Variants in KHDRBS2 observed in about 807,000 individuals in gnomAD.
KHDRBS2 encodes KH RNA binding domain containing, signal transduction associated 2.
A neutral mutation model predicts 44.3 loss-of-function variants in KHDRBS2; 26 were observed. The observed-to-expected ratio is 0.59, with a 90% CI of 0.43 to 0.81. The LOEUF is 0.81. Among genes scored for constraint, KHDRBS2 ranks in the 40% least tolerant of loss-of-function variants. KHDRBS2 has a pLI of 0.00. For missense variants in KHDRBS2, 476 were observed against 433.1 expected (o/e 1.10, Z -0.88); for synonymous variants, 194 against 151.1 (o/e 1.28, Z -2.08).
At chr6:62,115,180 G>T (rs1422191482) in intron 2 of KHDRBS2, among the ~76,000 whole-genome samples, 1 of 152,074 alleles carries the variant, frequency 6.6e-6, no homozygotes, top group Non-Finnish European at 1.5e-5. Flanking sequence ...TCTTTCAAAA[G>T]TCAGTTTTAC....
At chr6:62,245,758 G>T (rs1022738428) in intron 1 of KHDRBS2, among the ~76,000 whole-genome samples, 1 of 152,020 alleles carries the variant, frequency 6.6e-6, no homozygotes, top group Non-Finnish European at 1.5e-5. Context: ...TTTAGAAACA[G>T]ATTTAATCTG....
At chr6:61,692,603 A>G (rs527975122) in intron 8 of KHDRBS2, among the ~76,000 whole-genome samples, 2 of 152,226 alleles carry the variant, frequency 1.3e-5, no homozygotes, top group East Asian at 1.9e-4. Context: ...CCAAGGAGAC[A>G]AATACAATTT....
At chr6:62,159,670 T>A (rs1817214085) in intron 2 of KHDRBS2, among the ~76,000 whole-genome samples, 1 of 152,196 alleles carries the variant, frequency 6.6e-6, no homozygotes, top group South Asian at 2.1e-4. Flanking sequence ...TAGCCTACTG[T>A]TGACCGCAAG....
At chr6:61,878,946 T>C (rs538171630) in intron 6 of KHDRBS2, among the ~76,000 whole-genome samples, 3 of 152,158 alleles carry the variant, frequency 2.0e-5, no homozygotes, top group African/African-American at 7.2e-5. Flanking sequence ...TCCTCAATTA[T>C]ATTAGTTGCT....
intron 1 of KHDRBS2, among the ~76,000 whole-genome samples, chr6:62,253,690 T>C (rs1836916623): frequency 6.6e-6 from 1 of 151,998 alleles, no homozygotes; most frequent in Non-Finnish European, 1.5e-5. Flanking sequence ...TTTGTAATGA[T>C]TTTTACTGTA....
chr6:61,770,980 C>T lies in KHDRBS2; in HGVS notation c.811-38216G>A, dbSNP rs369735350. 2.3e-4 allele frequency among the ~76,000 whole-genome samples: 35 copies of T among 152,258 alleles called. No individual in the cohort carries two copies. The South Asian group carries it at 3.3e-3, about 14-fold the overall frequency. On this transcript the variant is annotated intron_variant, in intron 6 of 8. Transcript: ENST00000281156. ...AAAGGGAAGCCCATCAGACTAACAGCGGATCTCTTGGCAGAAACTCTACAA... is the reference window on the plus strand; with the variant it reads ...AAAGGGAAGCCCATCAGACTAACAGTGGATCTCTTGGCAGAAACTCTACAA...
intron 4 of KHDRBS2, among the ~76,000 whole-genome samples, chr6:61,926,295 G>C (rs1808964319): frequency 6.6e-6 from 1 of 152,124 alleles, no homozygotes; most frequent in Non-Finnish European, 1.5e-5. Flanking sequence ...GAGCTTAGAA[G>C]GGAAAGGGAA....
intron 4 of KHDRBS2, among the ~76,000 whole-genome samples, chr6:61,974,354 A>T (rs1772052286): frequency 6.6e-6 from 1 of 152,102 alleles, no homozygotes; most frequent in Non-Finnish European, 1.5e-5. Flanking sequence ...AGAAAGAAAT[A>T]GTATAAAATA....
chr6:61,774,808 T>C (rs1192039200), intron 6 of KHDRBS2, among the ~76,000 whole-genome samples: 1 of 152,172 alleles, frequency 6.6e-6, no homozygotes, highest in Non-Finnish European at 1.5e-5. Flanking sequence ...AGCATCATCC[T>C]GATACCAAAG....
chr6:61,932,915 C>T (rs1428240857), intron 4 of KHDRBS2, among the ~76,000 whole-genome samples: 1 of 152,166 alleles, frequency 6.6e-6, no homozygotes, highest in African/African-American at 2.4e-5. Context: ...GGATTTCATT[C>T]TTTTTATGTA....
At chr6:61,636,317 C>T in the KHDRBS2 span, among the ~76,000 whole-genome samples, 1 of 152,018 alleles carries the variant, frequency 6.6e-6, no homozygotes, top group Non-Finnish European at 1.5e-5. Context: ...ACCTCTAAAA[C>T]ATTGAATTCT....
chr6:61,762,430 G>C (rs1389080424), intron 6 of KHDRBS2, among the ~76,000 whole-genome samples: 1 of 152,160 alleles, frequency 6.6e-6, no homozygotes, highest in Admixed American at 6.6e-5. Flanking sequence ...GGAGGTGTTT[G>C]AGTCATGGGG....
At chr6:62,010,899 T>A (rs1160599911) in intron 3 of KHDRBS2, among the ~76,000 whole-genome samples, 2 of 152,148 alleles carry the variant, frequency 1.3e-5, no homozygotes. Context: ...GAAAAACCTA[T>A]CAGCAAATAA....
chr6:61,757,808 A>G (rs1284812099), intron 6 of KHDRBS2, among the ~76,000 whole-genome samples: 2 of 152,118 alleles, frequency 1.3e-5, no homozygotes, highest in Non-Finnish European at 2.9e-5. Context: ...GTTTCTTACT[A>G]CTTAGTAAGA....
chr6:61,942,914 A>G (rs1230182108), intron 4 of KHDRBS2, among the ~76,000 whole-genome samples: 1 of 149,580 alleles, frequency 6.7e-6, no homozygotes, highest in Admixed American at 6.7e-5. Flanking sequence ...GAATGGGAAG[A>G]TATGTTGGAA....
At chr6:62,056,781 T>C (rs1790382454) in intron 2 of KHDRBS2, among the ~76,000 whole-genome samples, 1 of 151,990 alleles carries the variant, frequency 6.6e-6, no homozygotes, top group African/African-American at 2.4e-5. Flanking sequence ...CCAGGAATGC[T>C]TAAGACTATG....
At chr6:62,086,072 T>C (rs1488305935) in intron 2 of KHDRBS2, among the ~76,000 whole-genome samples, 1 of 152,146 alleles carries the variant, frequency 6.6e-6, no homozygotes, top group Admixed American at 6.6e-5. Flanking sequence ...ACATCAACAA[T>C]TCAACTGGAT....
intron 6 of KHDRBS2, among the ~76,000 whole-genome samples, chr6:61,806,108 C>T (rs185802840): frequency 3.7e-4 from 57 of 152,272 alleles, no homozygotes; most frequent in Non-Finnish European, 7.1e-4. Flanking sequence ...ATTTTTCTTA[C>T]AATGTGATCA....
At chr6:62,231,801 T>C (rs756676293) in intron 1 of KHDRBS2, among the ~76,000 whole-genome samples, 2 of 152,204 alleles carry the variant, frequency 1.3e-5, no homozygotes, top group African/African-American at 4.8e-5. Flanking sequence ...TCTGGAAGCA[T>C]TTACTCTCAG....
Sources: gnomAD v4.1 joint callset for allele counts (sites outside exome capture counted in the v4.1 genomes callset) on GRCh38, gnomAD v4.1.1 for gene constraint, MANE v1.5 for transcripts, NCBI Gene and HGNC (gene_info 2026-07-23, HGNC 2026-07-21) for gene names.